Variants in CLTC observed in about 807,000 individuals in gnomAD.
CLTC encodes the protein clathrin heavy chain 1.
Under a neutral mutation model 195.8 loss-of-function variants are expected in CLTC, and 16 were observed. That is an observed-to-expected ratio of 0.08 (90% confidence interval 0.06 to 0.12). The LOEUF (loss-of-function observed/expected upper bound fraction) is 0.12. CLTC is among the 10% of genes least tolerant of loss of function. The probability of loss-of-function intolerance (pLI) is 1.00; values close to 1 mark genes in which losing one functional copy is unlikely to be tolerated. For synonymous variants in CLTC, 667 were observed against 689.4 expected (o/e 0.97, Z 0.51); for missense variants, 796 against 2,027.0 (o/e 0.39, Z 11.66).
At chr17:59,631,660 C>A (rs980247277) in intron 1 of CLTC, among the ~76,000 whole-genome samples, 1 of 152,122 alleles carries the variant, frequency 6.6e-6, no homozygotes, top group Admixed American at 6.5e-5. Flanking sequence ...GAAGGAGTAA[C>A]AAGATTTTTT....
At chr17:59,626,313 G>A (rs930062498) in intron 1 of CLTC, among the ~76,000 whole-genome samples, 1 of 152,020 alleles carries the variant, frequency 6.6e-6, no homozygotes, top group African/African-American at 2.4e-5. Context: ...ATATTGATAT[G>A]ATACAAAGTT....
At chr17:59,673,287 T>C (rs577017237) in intron 14 of CLTC, among the ~76,000 whole-genome samples, 3 of 152,302 alleles carry the variant, frequency 2.0e-5, no homozygotes, top group African/African-American at 7.2e-5. Flanking sequence ...AATGTGACTA[T>C]AGTTATTAAG....
rs766566397 is a variant in CLTC, at chr17:59,677,101, C to T, written c.2709C>T (p.Arg903=). ...GTGAAAATCCCTACTATGACAGTCG[C>T]GTTGTTGGAAAGTATTGTGAGAAGA... ...FLRENPYYDS[R]VVGKYCEKRD... is the part of the protein sequence containing the mutation. The change falls in exon 17 of 32, where the codon CGC becomes CGT. Residue 903 remains arginine (R), a synonymous_variant. Transcript: ENST00000269122. The T allele has an allele frequency of 3.7e-6, 6 of 1,614,002 alleles. No individual in the cohort carries two copies. The highest frequency in any genetic ancestry group is 3.3e-5 in the South Asian group (3 of 91,076).
chr17:59,646,549 A>T (rs1175455285), intron 2 of CLTC, among the ~76,000 whole-genome samples: 2 of 151,364 alleles, frequency 1.3e-5, no homozygotes, highest in African/African-American at 4.9e-5. Context: ...CTTAGTCTTT[A>T]AAGACTAATC....
intron 1 of CLTC, among the ~76,000 whole-genome samples, chr17:59,623,328 G>T (rs2031442715): frequency 6.6e-6 from 1 of 152,196 alleles, no homozygotes; most frequent in African/African-American, 2.4e-5. Context: ...GGAAGAGGTA[G>T]ACTTCCTGGA....
At chr17:59,693,353 C>G (rs917856966) in intron 31 of CLTC, among the ~76,000 whole-genome samples, 1 of 127,438 alleles carries the variant, frequency 7.8e-6, no homozygotes, top group African/African-American at 2.7e-5. Context: ...GGCAACAGAG[C>G]CAGATTCTTT....
At chr17:59,638,850 G>A (rs770492027) in intron 1 of CLTC, among the ~76,000 whole-genome samples, 18 of 152,094 alleles carry the variant, frequency 1.2e-4, no homozygotes, top group Admixed American at 2.6e-4. Context: ...TGGGGAAGCC[G>A]AAGTACTATT....
At chr17:59,627,657 T>C (rs945689556) in intron 1 of CLTC, among the ~76,000 whole-genome samples, 4 of 152,250 alleles carry the variant, frequency 2.6e-5, no homozygotes, top group Non-Finnish European at 4.4e-5. Flanking sequence ...TCTGACTTTA[T>C]GCCTTGAATG....
intron 30 of CLTC, among the ~76,000 whole-genome samples, chr17:59,688,850 T>C (rs187484879): frequency 1.3e-4 from 20 of 152,292 alleles, no homozygotes; most frequent in Middle Eastern, 3.4e-3. Context: ...TTGTTTCATT[T>C]TTCTTCTTTT....
intron 5 of CLTC, among the ~76,000 whole-genome samples, chr17:59,654,415 T>C (rs1297891574): frequency 1.4e-4 from 21 of 151,784 alleles, no homozygotes; most frequent in African/African-American, 4.8e-4. Flanking sequence ...TGACCTCAAG[T>C]GATCCACCTG....
At chr17:59,686,964 T>G in intron 30 of CLTC, 1 of 986,900 alleles carries the variant, frequency 1.0e-6, no homozygotes. Flanking sequence ...TGGAATTGAT[T>G]TTTTTTCTAA....
intron 2 of CLTC, among the ~76,000 whole-genome samples, 154 bp from the exon 3 acceptor site, chr17:59,647,244 T>G (rs2032219457): frequency 6.6e-6 from 1 of 152,248 alleles, no homozygotes; most frequent in Non-Finnish European, 1.5e-5. Context: ...TTGCTTAGTC[T>G]TAGCTGTTAC....
intron 1 of CLTC, among the ~76,000 whole-genome samples, chr17:59,639,971 A>G (rs9909392): frequency 0.014 from 2,164 of 152,098 alleles, 44 homozygotes; most frequent in African/African-American, 0.049. Context: ...AAAGAATAAA[A>G]ATACAATTCA....
chr17:59,622,960 TAGC>T (rs1334723156), intron 1 of CLTC, among the ~76,000 whole-genome samples: 3 of 152,232 alleles, frequency 2.0e-5, no homozygotes, highest in African/African-American at 7.2e-5. Context: ...TTTAGACTGA[TAGC>T]AGTTAATAAA....
chr17:59,643,709 C>T (rs535870369), intron 1 of CLTC, among the ~76,000 whole-genome samples: 11 of 152,288 alleles, frequency 7.2e-5, no homozygotes, highest in Admixed American at 2.0e-4. Flanking sequence ...TCGCCTGCCT[C>T]CTTTGAACAC....
At chr17:59,653,159 T>TTTTA (rs1216129226) in intron 5 of CLTC, among the ~76,000 whole-genome samples, 1 of 151,714 alleles carries the variant, frequency 6.6e-6, no homozygotes, top group Non-Finnish European at 1.5e-5. Context: ...GGATCTTTTA[T>TTTTA]TTTATTTATT....
At chr17:59,672,835 G>C (rs189980638) in intron 14 of CLTC, among the ~76,000 whole-genome samples, 2 of 152,226 alleles carry the variant, frequency 1.3e-5, no homozygotes, top group East Asian at 3.9e-4. Flanking sequence ...TGCTTCCCTA[G>C]TAGACTGTGT....
Position 59,681,165 on chromosome 17 carries a change from T to C in CLTC, c.3065+108T>C, listed in dbSNP as rs2033073143. 1.4e-6 allele frequency: 2 copies of C among 1,466,850 alleles called. No homozygotes were observed. The highest frequency in any genetic ancestry group is 1.3e-5 in the South Asian group (1 of 76,054). The allele number at this position is 1,466,850 out of a possible 1,614,324, so 90.9% of individuals were successfully genotyped here. A position where few individuals can be genotyped will look rare whatever the true frequency, so the allele number is the denominator to read the frequency against. ...AGATCAGAGAAAGTTGCCTGAATTC[T>C]CACTCTTCTAATATCCTCCCCCCTA... On this transcript the variant is annotated intron_variant, in intron 19 of 31. Transcript: ENST00000269122. The surrounding 1 kb of genome is among the most constrained non-coding windows in gnomAD (Gnocchi z 5.0).
At chr17:59,655,359 A>G (rs1253896456) in intron 5 of CLTC, among the ~76,000 whole-genome samples, 1 of 152,220 alleles carries the variant, frequency 6.6e-6, no homozygotes, top group Non-Finnish European at 1.5e-5. Flanking sequence ...GGTGCAATTC[A>G]TCACACCCCA....
Sources: gnomAD v4.1 joint callset for allele counts (sites outside exome capture counted in the v4.1 genomes callset) on GRCh38, gnomAD v4.1.1 for gene constraint, Gnocchi (gnomAD v3.1) non-coding constraint, MANE v1.5 for transcripts, NCBI Gene and HGNC (gene_info 2026-07-23, HGNC 2026-07-21) for gene names.